TXNDC9: variants seen among roughly 807,000 people sequenced by gnomAD.
TXNDC9 encodes thioredoxin domain-containing protein 9.
TXNDC9 carries 7 observed loss-of-function variants against 23.0 expected under a neutral mutation model. The observed-to-expected ratio is 0.30, with a 90% CI of 0.17 to 0.57. TXNDC9 has a LOEUF of 0.57. Among genes scored for constraint, TXNDC9 ranks in the 20% least tolerant of loss-of-function variants. The probability of loss-of-function intolerance (pLI) is 0.90; values close to 1 mark genes in which losing one functional copy is unlikely to be tolerated. For synonymous variants in TXNDC9, 72 were observed against 90.6 expected (o/e 0.79, Z 1.17); for missense variants, 198 against 252.6 (o/e 0.78, Z 1.47).
At chr2:99,312,067 A>C in the TXNDC9 span, among the ~76,000 whole-genome samples, 1 of 151,902 alleles carries the variant, frequency 6.6e-6, no homozygotes. Context: ...AGGGGCAGAA[A>C]GTAGGGATGG....
intron 1 of TXNDC9, among the ~76,000 whole-genome samples, chr2:99,336,002 C>G (rs2094238848): frequency 6.6e-6 from 1 of 152,198 alleles, no homozygotes; most frequent in African/African-American, 2.4e-5. Context: ...TAACTGAACC[C>G]CAGGTACCTC....
At chr2:99,318,979 CTG>C (rs1296651853), downstream of TXNDC9, 1 of 152,364 alleles carries the variant, frequency 6.6e-6, no homozygotes, top group Middle Eastern at 3.4e-3. Flanking sequence ...TCTTGAAAAA[CTG>C]TTTTTGTTGG....
chr2:99,336,221 C>T lies in TXNDC9; in HGVS notation c.-33+18G>A, dbSNP rs1039301478. Reference sequence around the variant, plus strand: ...CCGGACGTGGTGGTCGGATTCTTCTCACTACCCTCTGCCTCACCTGAGCTC... The same window carrying T: ...CCGGACGTGGTGGTCGGATTCTTCTTACTACCCTCTGCCTCACCTGAGCTC... On this transcript the variant is annotated intron_variant, in intron 1 of 4. Coordinates refer to ENST00000264255, the MANE Select transcript of TXNDC9 (RefSeq NM_005783.4). The T allele has an allele frequency of 1.0e-6, 1 of 985,316 alleles. No individual in the cohort carries two copies. Among genetic ancestry groups the T allele is most frequent in the African/African-American group, 1.7e-5 (1 of 57,212 alleles). 61.0% of individuals were successfully genotyped at this position (985,316 alleles called of 1,614,324 possible). A position where few individuals can be genotyped will look rare whatever the true frequency, so the allele number is the denominator to read the frequency against.
intron 1 of TXNDC9, among the ~76,000 whole-genome samples, chr2:99,334,887 T>C (rs1436475594): frequency 6.6e-6 from 1 of 152,192 alleles, no homozygotes; most frequent in East Asian, 1.9e-4. Flanking sequence ...AATTTCTTTT[T>C]GTATTTTTAG....
the TXNDC9 span, among the ~76,000 whole-genome samples, chr2:99,309,635 A>AC: frequency 6.6e-6 from 1 of 152,004 alleles, no homozygotes; most frequent in Non-Finnish European, 1.5e-5. Flanking sequence ...GGAGTTCGAG[A>AC]CCAGCCTGGC....
Position 99,333,052 on chromosome 2 carries a change from C to T in TXNDC9, c.159G>A (p.Gln53=). Residue 53 remains glutamine, a synonymous_variant, in exon 2 of 5, where the codon CAG becomes CAA. Coordinates refer to ENST00000264255, the MANE Select transcript of TXNDC9 (RefSeq NM_005783.4). ...TCTGCTGTTGAGCTTTCCTTAGTGCCTGGAGTCTCTTTTCTTTAAGGCGTT... is the reference window on the plus strand; with the variant it reads ...TCTGCTGTTGAGCTTTCCTTAGTGCTTGGAGTCTCTTTTCTTTAAGGCGTT... ...ELERLKEKRL[Q]ALRKAQQQKQ... 1 of 1,614,108 alleles carries T rather than the reference C, an allele frequency of 6.2e-7. No individual in the cohort carries two copies. The highest frequency in any genetic ancestry group is 1.1e-5 in the South Asian group (1 of 91,080).
chr2:99,314,385 T>A (rs1487055109), downstream of TXNDC9, among the ~76,000 whole-genome samples: 1 of 152,100 alleles, frequency 6.6e-6, no homozygotes, highest in African/African-American at 2.4e-5. Context: ...AGGTGTAGAC[T>A]TTTTTTGTTG....
At chr2:99,329,170 T>C (rs1015332826) in intron 2 of TXNDC9, among the ~76,000 whole-genome samples, 1 of 152,184 alleles carries the variant, frequency 6.6e-6, no homozygotes, top group Non-Finnish European at 1.5e-5. Flanking sequence ...CTGCAATATA[T>C]CCATAATTCT....
chr2:99,336,280 T>A lies in TXNDC9; in HGVS notation c.-74A>T. On this transcript the variant is annotated 5_prime_UTR_variant, in exon 1 of 5. Transcript: ENST00000264255. ...GCCTGAGAAGTGAAAGAGCAGCAGT[T>A]TCAAAAGACACGTCCACTCCGGCTT... 1 of 985,188 alleles carries A rather than the reference T, an allele frequency of 1.0e-6. No individual in the cohort carries two copies. Among genetic ancestry groups the A allele is most frequent in the Non-Finnish European group, 1.2e-6 (1 of 829,908 alleles). The allele number at this position is 985,188 out of a possible 1,614,324, so 61.0% of individuals were successfully genotyped here. A position where few individuals can be genotyped will look rare whatever the true frequency, so the allele number is the denominator to read the frequency against.
intron 3 of TXNDC9, among the ~76,000 whole-genome samples, chr2:99,325,889 T>C (rs2094211917): frequency 1.3e-5 from 2 of 152,028 alleles, no homozygotes; most frequent in Admixed American, 1.3e-4. Flanking sequence ...TGGGTGACTG[T>C]AGCCCTGGCT....
At chr2:99,317,488 C>T (rs1469794022), downstream of TXNDC9, among the ~76,000 whole-genome samples, 1 of 152,186 alleles carries the variant, frequency 6.6e-6, no homozygotes, top group East Asian at 1.9e-4. Flanking sequence ...GTGCAGTCAC[C>T]ATGACTACTC....
chr2:99,334,162 G>C (rs773846343), intron 1 of TXNDC9, among the ~76,000 whole-genome samples: 3 of 152,170 alleles, frequency 2.0e-5, no homozygotes, highest in Non-Finnish European at 4.4e-5. Context: ...ACCAGCCTGG[G>C]AAACATGATG....
At chr2:99,327,711 G>A in intron 2 of TXNDC9, 58 bp from the exon 3 acceptor site, 1 of 1,014,100 alleles carries the variant, frequency 9.9e-7, no homozygotes, top group Non-Finnish European at 1.5e-6. Context: ...AGAACCACTT[G>A]ACATTTTAAG....
At chr2:99,327,768 AAG>A (rs984156830) in intron 2 of TXNDC9, 115 bp from the exon 3 acceptor site, 1 of 677,670 alleles carries the variant, frequency 1.5e-6, no homozygotes, top group Non-Finnish European at 2.4e-6. Flanking sequence ...TTAAAAAAAA[AAG>A]TTTTTTTTTT....
intron 3 of TXNDC9, among the ~76,000 whole-genome samples, chr2:99,326,600 A>C (rs981655361): frequency 2.0e-5 from 3 of 152,246 alleles, no homozygotes; most frequent in Admixed American, 6.5e-5. Flanking sequence ...AAAACCACAA[A>C]GGCTTGGGTC....
intron 1 of TXNDC9, among the ~76,000 whole-genome samples, chr2:99,333,671 T>C (rs2094231331): frequency 6.6e-6 from 1 of 152,202 alleles, no homozygotes; most frequent in African/African-American, 2.4e-5. Flanking sequence ...CACATAAATA[T>C]ATATATTAAA....
At chr2:99,316,938 A>G (rs2105316345), downstream of TXNDC9, among the ~76,000 whole-genome samples, 1 of 152,118 alleles carries the variant, frequency 6.6e-6, no homozygotes, top group African/African-American at 2.4e-5. Context: ...TTGTATTTTT[A>G]GTAGAGACGG....
the TXNDC9 span, among the ~76,000 whole-genome samples, chr2:99,312,339 T>C: frequency 6.6e-6 from 1 of 151,618 alleles, no homozygotes; most frequent in Non-Finnish European, 1.5e-5. Flanking sequence ...CTACTAAAAA[T>C]ACGAAAAATT....
chr2:99,316,604 C>G (rs1404824871), downstream of TXNDC9, among the ~76,000 whole-genome samples: 2 of 151,930 alleles, frequency 1.3e-5, no homozygotes, highest in African/African-American at 4.8e-5. Flanking sequence ...ATGTTTTCAT[C>G]AAATATTTGA....
Sources: gnomAD v4.1 joint callset for allele counts (sites outside exome capture counted in the v4.1 genomes callset) on GRCh38, gnomAD v4.1.1 for gene constraint, MANE v1.5 for transcripts, NCBI Gene and HGNC (gene_info 2026-07-23, HGNC 2026-07-21) for gene names.